Variants in NDUFS3 observed in about 807,000 individuals in gnomAD.
The protein encoded by NDUFS3 is NADH dehydrogenase [ubiquinone] iron-sulfur protein 3, mitochondrial.
In NDUFS3, 19 loss-of-function variants were observed where a neutral mutation model predicts 30.8. That is an observed-to-expected ratio of 0.62 (90% CI 0.43 to 0.91). The LOEUF (loss-of-function observed/expected upper bound fraction) is 0.91. Among genes scored for constraint, NDUFS3 ranks in the 40% least tolerant of loss-of-function variants. The pLI is 0.00. For missense variants in NDUFS3, 331 were observed against 342.0 expected (o/e 0.97, Z 0.25); for synonymous variants, 153 against 135.8 (o/e 1.13, Z -0.88).
chr11:47,580,430 C>T, intron 2 of NDUFS3, 95 bp from the exon 3 acceptor site: 1 of 1,182,092 alleles, frequency 8.5e-7, no homozygotes, highest in South Asian at 1.2e-5. Flanking sequence ...GGGAGCCTTT[C>T]CTGGATTTGA....
At chr11:47,579,191 A>G (rs996286645) in intron 1 of NDUFS3, 33 bp downstream of exon 1, 3 of 1,613,424 alleles carry the variant, frequency 1.9e-6, no homozygotes, top group African/African-American at 1.3e-5. Context: ...GACCGGGGTC[A>G]GGCGCAGCGG....
At chr11:47,584,250 T>G in intron 6 of NDUFS3, 64 bp from the exon 7 acceptor site, 1 of 1,607,752 alleles carries the variant, frequency 6.2e-7, no homozygotes, top group Non-Finnish European at 8.5e-7. Flanking sequence ...TTGTGAAAAG[T>G]AGGCTCCTGT....
intron 6 of NDUFS3, among the ~76,000 whole-genome samples, chr11:47,583,060 G>T (rs1187481714): frequency 1.3e-5 from 2 of 152,046 alleles, no homozygotes; most frequent in South Asian, 2.1e-4. Flanking sequence ...CTGTGTGTGT[G>T]TGTGTGTGTC....
intron 2 of NDUFS3, 123 bp downstream of exon 2, chr11:47,579,457 G>A (rs2097266820): frequency 1.6e-6 from 2 of 1,249,630 alleles, no homozygotes; most frequent in Admixed American, 3.7e-5. Flanking sequence ...GACTTGCAGT[G>A]GTCTTCACCC....
At chr11:47,579,433 A>G (rs765179647) in intron 2 of NDUFS3, 99 bp downstream of exon 2, 2 of 1,466,812 alleles carry the variant, frequency 1.4e-6, no homozygotes, top group Middle Eastern at 1.7e-4. Context: ...CCTCCTGGCA[A>G]ATCTTGGAGA....
chr11:47,579,619 A>C, intron 2 of NDUFS3: 1 of 574,756 alleles, frequency 1.7e-6, no homozygotes, highest in East Asian at 2.9e-5. Context: ...CCCTGTAATA[A>C]TAGTACCTAG....
intron 2 of NDUFS3, among the ~76,000 whole-genome samples, chr11:47,580,311 AAG>A (rs2097267835): frequency 6.6e-6 from 1 of 152,194 alleles, no homozygotes; most frequent in Non-Finnish European, 1.5e-5. Context: ...CTGCTATAGT[AAG>A]AGTCTTTCTG....
rs779903547 is a variant in NDUFS3, at chr11:47,580,971, A to C, written c.368A>C (p.Gln123Pro). The change falls in exon 4 of 7, where the codon CAA becomes CCA. Residue 123 changes from glutamine to proline, a missense_variant. Transcript: ENST00000263774. ...DLTAVDVPTR[Q>P]NRFEIVYNLL... ...ACAGCAGTGGACGTCCCAACTCGGCAAAACCGTTTTGAGGTCAGTTGGGAG... is the reference window on the plus strand; with the variant it reads ...ACAGCAGTGGACGTCCCAACTCGGCCAAACCGTTTTGAGGTCAGTTGGGAG... 2.1e-5 allele frequency: 34 copies of C among 1,614,206 alleles called. No homozygotes were observed. In the South Asian group the frequency reaches 3.4e-4, roughly 16 times the overall value.
chr11:47,580,522 C>G lies in NDUFS3; in HGVS notation c.134-3C>G, dbSNP rs761337082. 2 of 1,614,004 alleles carry G rather than the reference C, an allele frequency of 1.2e-6. No individual in the cohort carries two copies. The highest frequency in any genetic ancestry group is 2.7e-5 in the African/African-American group (2 of 74,902). On this transcript the variant is annotated splice_polypyrimidine_tract_variant and splice_region_variant and intron_variant, in intron 2 of 6. Transcript: ENST00000263774. ...CTTTTTTAAATATGCCTTTTCCTTC[C>G]AGCCACTGTCAGACCACGGAATGAT...
At chr11:47,579,230 C>A (rs762319921) in intron 1 of NDUFS3, 39 bp from the exon 2 acceptor site, 10 of 1,613,974 alleles carry the variant, frequency 6.2e-6, no homozygotes, top group Non-Finnish European at 8.5e-6. Context: ...CTCCTCAGGG[C>A]TCATCCCGCG....
chr11:47,582,899 A>G (rs1445887620), intron 6 of NDUFS3, among the ~76,000 whole-genome samples: 1 of 152,102 alleles, frequency 6.6e-6, no homozygotes, highest in Non-Finnish European at 1.5e-5. Flanking sequence ...CAAGAGGCTG[A>G]GGTGGGAGGA....
intron 4 of NDUFS3, 85 bp downstream of exon 4, chr11:47,581,069 G>T: frequency 6.5e-7 from 1 of 1,543,524 alleles, no homozygotes; most frequent in South Asian, 1.1e-5. Flanking sequence ...CAGTTAAACT[G>T]GAACTTCAGA....
rs117861814 is a variant in NDUFS3 at position 47,580,752 on chromosome 11, C to T, written c.232-83C>T. ...TCCCAAGCTTGGACTTTTCTCTCAG[C>T]ATTAAACCAGGTGACTCCAGCTGAA... On this transcript the variant is annotated intron_variant, in intron 3 of 6. Transcript: ENST00000263774. The T allele has an allele frequency of 3.0e-4, 486 of 1,603,280 alleles. 10 individuals carry two copies. The East Asian group carries it at 0.011, about 35-fold the overall frequency.
intron 2 of NDUFS3, 163 bp downstream of exon 2, chr11:47,579,497 C>G (rs1223516943): frequency 2.5e-6 from 2 of 813,604 alleles, no homozygotes; most frequent in South Asian, 3.2e-5. Context: ...TCCCTGTGCC[C>G]TTAGGCCTGT....
Position 47,579,263 on chromosome 11 carries a change from G to T in NDUFS3, c.68-6G>T, listed in dbSNP as rs1314889980. The stretch of plus-strand genomic sequence containing the variant: ...GCGCGTCTGTGCCTTTTATCTCCCT[G>T]TGCAGGGACTGGGCGACCCTCCGTT... On this transcript the variant is annotated splice_region_variant and splice_polypyrimidine_tract_variant and intron_variant, in intron 1 of 6. Transcript: ENST00000263774. 1 of 1,614,204 alleles carries T rather than the reference G, an allele frequency of 6.2e-7. No homozygotes were observed. Among genetic ancestry groups the T allele is most frequent in the African/African-American group, 1.3e-5 (1 of 75,080 alleles).
In NDUFS3 at chr11:47,580,022, CA is replaced by C. The variant is rs1565940978; in HGVS notation, c.134-502del. On this transcript the variant is annotated intron_variant, in intron 2 of 6. Transcript: ENST00000263774. Reference sequence around the variant, plus strand: ...ACACACACACACACACACACACACACACACACACCTGGGCCTCAGTTTTCTC... The same window carrying C: ...ACACACACACACACACACACACACACCACACACCTGGGCCTCAGTTTTCTC... 1.4e-4 allele frequency among the ~76,000 whole-genome samples: 18 copies of C among 127,218 alleles called. 1 individual carries two copies. The highest frequency in any genetic ancestry group is 5.3e-4 in the African/African-American group (17 of 31,926). 83.5% of individuals were successfully genotyped at this position (127,218 alleles called of 152,430 possible).
Position 47,580,948 on chromosome 11 carries a change from A to G in NDUFS3, c.345A>G (p.Thr115=), listed in dbSNP as rs1307906773. Residue 115 remains threonine (T), a synonymous_variant, in exon 4 of 7, where the codon ACA becomes ACG. Transcript: ENST00000263774. ...AGTTCAAATCTCTGGTTGACTTGAC[A>G]GCAGTGGACGTCCCAACTCGGCAAA... ...NAQFKSLVDL[T]AVDVPTRQNR... is the part of the protein sequence containing the mutation. The G allele has an allele frequency of 6.2e-7, 1 of 1,614,246 alleles. No individual in the cohort carries two copies. Among genetic ancestry groups the G allele is most frequent in the East Asian group, 2.2e-5 (1 of 44,892 alleles).
chr11:47,579,700 C>CA (rs2097267020), intron 2 of NDUFS3: 1 of 421,180 alleles, frequency 2.4e-6, no homozygotes, highest in South Asian at 2.5e-5. Flanking sequence ...ATTTCGTCCT[C>CA]ACAACAGCCT....
Position 47,582,152 on chromosome 11 carries a change from A to G in NDUFS3, c.446A>G (p.Glu149Gly), listed in dbSNP as rs770110842. ...SRIRVKTYTD[E>G]LTPIESAVSV... ...ATCCGTGTGAAGACCTACACAGATG[A>G]GCTGACGCCCATTGAGTCTGCTGTC... The change falls in exon 5 of 7, where the codon GAG becomes GGG. Residue 149 changes from glutamate (E) to glycine (G), a missense_variant. Transcript: ENST00000263774. The G allele has an allele frequency of 1.2e-6, 2 of 1,614,180 alleles. No individual in the cohort carries two copies. Among genetic ancestry groups the G allele is most frequent in the Non-Finnish European group, 1.7e-6 (2 of 1,180,038 alleles).
Sources: gnomAD v4.1 joint callset for allele counts (sites outside exome capture counted in the v4.1 genomes callset) on GRCh38, gnomAD v4.1.1 for gene constraint, MANE v1.5 for transcripts, NCBI Gene and HGNC (gene_info 2026-07-23, HGNC 2026-07-21) for gene names.